ACSL1: variants seen among roughly 807,000 people sequenced by gnomAD.
ACSL1 encodes long-chain-fatty-acid--CoA ligase 1.
A neutral mutation model predicts 98.4 loss-of-function variants in ACSL1; 41 were observed. The ratio of observed to expected loss-of-function variants is 0.42; its 90% CI spans 0.32 to 0.54. The LOEUF is 0.54. Ranked by LOEUF, ACSL1 falls within the 20% of genes least tolerant of loss-of-function variation. The probability of loss-of-function intolerance (pLI) is 0.13; values close to 1 mark genes in which losing one functional copy is unlikely to be tolerated. For missense variants in ACSL1, 734 were observed against 883.1 expected (o/e 0.83, Z 2.14); for synonymous variants, 316 against 322.7 (o/e 0.98, Z 0.22).
Position 184,766,640 on chromosome 4 carries a change from C to T in ACSL1, c.1245G>A (p.Leu415=), listed in dbSNP as rs559017153. 1 of 1,614,062 alleles carries T rather than the reference C, an allele frequency of 6.2e-7. No individual in the cohort carries two copies. The highest frequency in any genetic ancestry group is 8.5e-7 in the Non-Finnish European group (1 of 1,179,974). ...GTGTTACCTGTACTTTGTGGAAGAT[C>T]AGCCGGTCCCACAGGCTGTTGTTTC... ...IIRNNSLWDR[L]IFHKVQSSLG... Residue 415 remains leucine, a synonymous_variant, in exon 13 of 21, where the codon CTG becomes CTA. Transcript: ENST00000281455. This position sits in a 1 kb window ranked among gnomAD's most constrained non-coding sequence, Gnocchi z 4.8.
At chr4:184,758,767 T>C (rs911016658) in intron 18 of ACSL1, 2 of 151,380 alleles carry the variant, frequency 1.3e-5, no homozygotes, top group Non-Finnish European at 1.5e-5. Flanking sequence ...AACTTTTTCT[T>C]TTTTTTTTAA....
Position 184,766,583 on chromosome 4 carries a change from C to A in ACSL1, c.1263+39G>T. On this transcript the variant is annotated intron_variant, in intron 13 of 20. Coordinates refer to ENST00000281455, the MANE Select transcript of ACSL1 (RefSeq NM_001995.5). This position sits in a 1 kb window ranked among gnomAD's most constrained non-coding sequence, Gnocchi z 4.8. ...CTCCCAGAACTCTGAAAAGCGAAGTCGGTTTCCATGGGAGCAGTGGCTGTG... is the reference window on the plus strand; with the variant it reads ...CTCCCAGAACTCTGAAAAGCGAAGTAGGTTTCCATGGGAGCAGTGGCTGTG... 6.3e-7 allele frequency: 1 copy of A among 1,592,312 alleles called. No individual in the cohort carries two copies. Among genetic ancestry groups the A allele is most frequent in the South Asian group, 1.1e-5 (1 of 90,148 alleles).
intron 2 of ACSL1, among the ~76,000 whole-genome samples, chr4:184,794,312 A>G (rs768383846): frequency 1.1e-4 from 16 of 152,234 alleles, no homozygotes; most frequent in Non-Finnish European, 2.1e-4. Context: ...GGTCTTTTAA[A>G]GGCCAGCCCC....
intron 2 of ACSL1, among the ~76,000 whole-genome samples, chr4:184,795,530 C>T (rs866190543): frequency 7.9e-5 from 12 of 152,284 alleles, no homozygotes; most frequent in Admixed American, 3.3e-4. Flanking sequence ...AACAATCAAC[C>T]TCTTTCTTTC....
chr4:184,820,938 T>C (rs896853340), intron 1 of ACSL1: 1 of 440,070 alleles, frequency 2.3e-6, no homozygotes, highest in African/African-American at 2.0e-5. Context: ...GGAGGGGCAG[T>C]AGAGCCCAGC....
chr4:184,779,966 G>T (rs868785675), intron 5 of ACSL1, among the ~76,000 whole-genome samples: 2 of 151,324 alleles, frequency 1.3e-5, no homozygotes, highest in Admixed American at 6.6e-5. Flanking sequence ...TCTGCCTCCC[G>T]GATTCAAGCG....
At chr4:184,762,567 T>G in intron 16 of ACSL1, 44 bp from the exon 17 acceptor site, 2 of 1,562,518 alleles carry the variant, frequency 1.3e-6, no homozygotes, top group Non-Finnish European at 1.8e-6. Context: ...TACTGGGGTT[T>G]TTCCAGAGAA....
At chr4:184,786,066 C>G (rs1231959934) in intron 3 of ACSL1, among the ~76,000 whole-genome samples, 1 of 152,128 alleles carries the variant, frequency 6.6e-6, no homozygotes, top group Non-Finnish European at 1.5e-5. Context: ...GGAGGGTGTC[C>G]TGGCCAGGGC....
chr4:184,775,398 C>T (rs147470010), intron 7 of ACSL1, among the ~76,000 whole-genome samples: 2 of 151,920 alleles, frequency 1.3e-5, no homozygotes, highest in East Asian at 3.9e-4. Context: ...TCAAAAAACA[C>T]CAGAAAAATT....
At chr4:184,805,144 T>C (rs781203174) in intron 1 of ACSL1, among the ~76,000 whole-genome samples, 11 of 152,230 alleles carry the variant, frequency 7.2e-5, no homozygotes, top group Non-Finnish European at 1.6e-4. Flanking sequence ...AAGACATTTA[T>C]GCCACCAACA....
At chr4:184,790,969 G>C (rs1445116404) in intron 2 of ACSL1, among the ~76,000 whole-genome samples, 1 of 152,160 alleles carries the variant, frequency 6.6e-6, no homozygotes, top group African/African-American at 2.4e-5. Context: ...AAGGGGGAAA[G>C]GACAAAATGA....
intron 1 of ACSL1, among the ~76,000 whole-genome samples, chr4:184,805,084 A>AAAAACAAC (rs1771201933): frequency 6.6e-6 from 1 of 152,210 alleles, no homozygotes; most frequent in Non-Finnish European, 1.5e-5. Context: ...AATTTACAAG[A>AAAAACAAC]AAAACAACAA....
intron 1 of ACSL1, among the ~76,000 whole-genome samples, chr4:184,809,323 A>G (rs1771793169): frequency 6.6e-6 from 1 of 152,192 alleles, no homozygotes; most frequent in Non-Finnish European, 1.5e-5. Context: ...TTGGTCACAA[A>G]TATCATATAT....
At chr4:184,816,287 T>C (rs555340918) in intron 1 of ACSL1, among the ~76,000 whole-genome samples, 1 of 151,776 alleles carries the variant, frequency 6.6e-6, no homozygotes, top group Admixed American at 6.6e-5. Context: ...ACAAGTGAAA[T>C]AGGGAAAAGG....
intron 1 of ACSL1, chr4:184,813,545 G>C: frequency 4.4e-6 from 1 of 226,512 alleles, no homozygotes; most frequent in South Asian, 5.2e-5. Flanking sequence ...CTGATGTTCA[G>C]CACAGGAAGA....
chr4:184,809,843 T>C (rs1016718317), intron 1 of ACSL1, among the ~76,000 whole-genome samples: 2 of 152,150 alleles, frequency 1.3e-5, no homozygotes, highest in African/African-American at 4.8e-5. Context: ...TTCATTAATA[T>C]GTTATTTGAG....
Position 184,766,282 on chromosome 4 carries a change from C to G in ACSL1, c.1264-296G>C, listed in dbSNP as rs902880601. On this transcript the variant is annotated intron_variant, in intron 13 of 20. Transcript: ENST00000281455. The surrounding 1 kb of genome is among the most constrained non-coding windows in gnomAD (Gnocchi z 4.8). ...TCTGTGGCAACTACCACAATTCTGG[C>G]CTTCTGGGGGGCATGATATTGTTAC... 2.6e-5 allele frequency among the ~76,000 whole-genome samples: 4 copies of G among 152,156 alleles called. No homozygotes were observed. The highest frequency in any genetic ancestry group is 6.5e-5 in the Admixed American group (1 of 15,276).
chr4:184,787,795 T>C (rs1579907063), intron 3 of ACSL1, among the ~76,000 whole-genome samples: 1 of 150,870 alleles, frequency 6.6e-6, no homozygotes, highest in East Asian at 2.0e-4. Context: ...ACCCAGGAGG[T>C]GTAGGCTGCG....
At chr4:184,794,819 C>T (rs927419597) in intron 2 of ACSL1, among the ~76,000 whole-genome samples, 1 of 152,174 alleles carries the variant, frequency 6.6e-6, no homozygotes, top group Non-Finnish European at 1.5e-5. Flanking sequence ...CTGTGCCTGG[C>T]TGGGTTTTCT....
Sources: gnomAD v4.1 joint callset for allele counts (sites outside exome capture counted in the v4.1 genomes callset) on GRCh38, gnomAD v4.1.1 for gene constraint, Gnocchi (gnomAD v3.1) non-coding constraint, MANE v1.5 for transcripts, NCBI Gene and HGNC (gene_info 2026-07-23, HGNC 2026-07-21) for gene names.